SYT14: variants seen among roughly 807,000 people sequenced by gnomAD.
SYT14 encodes the protein synaptotagmin 14.
Under a neutral mutation model 74.2 loss-of-function variants are expected in SYT14, and 32 were observed. The observed-to-expected ratio is 0.43, with a 90% CI of 0.33 to 0.58. The LOEUF (loss-of-function observed/expected upper bound fraction) is 0.58. SYT14 is among the 20% of genes least tolerant of loss of function. SYT14 has a pLI of 0.05. For missense variants in SYT14, 791 were observed against 981.8 expected, an observed-to-expected ratio of 0.81 and a Z score of 2.60; for synonymous variants, 298 against 337.7, an observed-to-expected ratio of 0.88 and a Z score of 1.29.
intron 3 of SYT14, among the ~76,000 whole-genome samples, chr1:210,015,521 T>C (rs1200420323): frequency 6.6e-6 from 1 of 152,216 alleles, no homozygotes; most frequent in African/African-American, 2.4e-5. Flanking sequence ...CCCCTATTCT[T>C]ACCACTATGC....
At chr1:210,149,180 ATTTTTTTTT>A (rs34134939) in intron 7 of SYT14, among the ~76,000 whole-genome samples, 1 of 108,510 alleles carries the variant, frequency 9.2e-6, no homozygotes, top group Non-Finnish European at 1.8e-5. Flanking sequence ...TATAGCAGGA[ATTTTTTTTT>A]TTTTTTTTTT....
intron 5 of SYT14, among the ~76,000 whole-genome samples, chr1:210,056,866 C>T (rs1335205463): frequency 2.0e-5 from 2 of 102,380 alleles, no homozygotes; most frequent in African/African-American, 9.0e-5. Flanking sequence ...ATTTTTGAGA[C>T]TCAGTCTTGC....
chr1:210,169,238 T>G (rs1437319766), exon 10 of SYT14: 8 of 141,338 alleles, frequency 5.7e-5, no homozygotes, highest in Admixed American at 1.4e-4. Context: ...TTTTTTTTTT[T>G]TTTTTTTTTT....
intron 2 of SYT14, among the ~76,000 whole-genome samples, chr1:209,962,572 T>C (rs1433701160): frequency 6.6e-6 from 1 of 152,116 alleles, no homozygotes; most frequent in Non-Finnish European, 1.5e-5. Flanking sequence ...AACTTCTTAA[T>C]GAGAGGTTTA....
intron 7 of SYT14, among the ~76,000 whole-genome samples, chr1:210,139,646 A>G (rs931234550): frequency 1.3e-5 from 2 of 152,254 alleles, no homozygotes; most frequent in Admixed American, 6.5e-5. Context: ...GCCATTAGCA[A>G]TTACACCTCC....
At chr1:210,035,745 G>C (rs188539928) in intron 5 of SYT14, among the ~76,000 whole-genome samples, 9 of 151,916 alleles carry the variant, frequency 5.9e-5, no homozygotes, top group Non-Finnish European at 1.2e-4. Context: ...TGGGTTCTCT[G>C]TTCTGTTCCA....
At chr1:210,105,445 G>C (rs1052315623) in intron 7 of SYT14, among the ~76,000 whole-genome samples, 1 of 152,176 alleles carries the variant, frequency 6.6e-6, no homozygotes, top group African/African-American at 2.4e-5. Context: ...GCCTCTTTGA[G>C]CTTTGAAGGA....
At chr1:209,989,558 TTAAG>T (rs761634793) in intron 2 of SYT14, among the ~76,000 whole-genome samples, 111 of 152,360 alleles carry the variant, frequency 7.3e-4, no homozygotes, top group Admixed American at 2.4e-3. Context: ...AGATTACTTA[TTAAG>T]TTTTAACATT....
rs1390130617 is a variant in SYT14 at position 210,113,576 on chromosome 1, A to G, written c.2034+13115A>G. Reference sequence around the variant, plus strand: ...ATGGGATATTGGTGTTGAGCGGGGTAAGGGTGATTAGGTTTTAATGAGATG... The same window carrying G: ...ATGGGATATTGGTGTTGAGCGGGGTGAGGGTGATTAGGTTTTAATGAGATG... On this transcript the variant is annotated intron_variant, in intron 7 of 9. Coordinates refer to ENST00000637265, the Ensembl canonical transcript of SYT14. Among the ~76,000 whole-genome samples, 8 of 150,952 alleles carry G rather than the reference A, an allele frequency of 5.3e-5. No individual in the cohort carries two copies. In the South Asian group the frequency reaches 1.7e-3, roughly 31 times the overall value.
At chr1:210,050,135 A>G (rs2080964615) in intron 5 of SYT14, among the ~76,000 whole-genome samples, 1 of 152,150 alleles carries the variant, frequency 6.6e-6, no homozygotes, top group African/African-American at 2.4e-5. Context: ...TTTCCCTTTT[A>G]AAACTGCCTT....
rs868810878 is a variant in SYT14 at position 210,007,594 on chromosome 1, T to C, written c.-485-6039T>C. ...ATTCATGTATTTATTTTGAGGAAGT[T>C]GAAATTGCTTGCTATTTTTTAACAT... On this transcript the variant is annotated intron_variant, in intron 2 of 9. Transcript: ENST00000637265. Among the ~76,000 whole-genome samples the C allele has an allele frequency of 2.0e-5, 3 of 152,118 alleles. No homozygotes were observed. The South Asian group carries it at 6.2e-4, about 32-fold the overall frequency.
chr1:209,965,914 A>G, intron 2 of SYT14: 2 of 454,182 alleles, frequency 4.4e-6, no homozygotes, highest in South Asian at 3.1e-5. Flanking sequence ...CTCTGTGGCC[A>G]GGCTGGAGTA....
At chr1:209,979,428 G>A (rs1265637967) in intron 2 of SYT14, among the ~76,000 whole-genome samples, 1 of 152,026 alleles carries the variant, frequency 6.6e-6, no homozygotes, top group Non-Finnish European at 1.5e-5. Context: ...GAGGACAGCA[G>A]ACAAATGGGT....
chr1:209,951,112 C>T (rs925663620), intron 1 of SYT14, among the ~76,000 whole-genome samples: 2 of 152,156 alleles, frequency 1.3e-5, no homozygotes, highest in Non-Finnish European at 2.9e-5. Flanking sequence ...AGTCACTTCA[C>T]CTTTTTTGTG....
chr1:209,992,854 A>C (rs1362286522), intron 2 of SYT14, among the ~76,000 whole-genome samples: 2 of 152,128 alleles, frequency 1.3e-5, no homozygotes, highest in Non-Finnish European at 1.5e-5. Context: ...GAGTGAATGG[A>C]AAGGCGACAC....
At chr1:209,949,125 A>T (rs951845923) in intron 1 of SYT14, among the ~76,000 whole-genome samples, 1 of 152,254 alleles carries the variant, frequency 6.6e-6, no homozygotes, top group African/African-American at 2.4e-5. Flanking sequence ...CAAAATAGAC[A>T]TAAAATTTGT....
intron 3 of SYT14, among the ~76,000 whole-genome samples, chr1:210,015,309 T>G (rs1402438506): frequency 2.0e-5 from 3 of 152,210 alleles, no homozygotes; most frequent in Non-Finnish European, 2.9e-5. Context: ...TTGCTGTTAT[T>G]GTAAAACTAG....
At chr1:210,026,638 A>ACACTCACACT (rs1553267804) in intron 5 of SYT14, among the ~76,000 whole-genome samples, 1 of 151,168 alleles carries the variant, frequency 6.6e-6, no homozygotes, top group East Asian at 2.0e-4. Flanking sequence ...ACACACACAC[A>ACACTCACACT]CACACTCACC....
At chr1:210,143,728 T>A (rs74662042) in intron 7 of SYT14, among the ~76,000 whole-genome samples, 3,328 of 152,216 alleles carry the variant, frequency 0.022, 110 homozygotes, top group East Asian at 0.14. Context: ...AAATAAGATA[T>A]AAAGATAGTG....
Sources: allele counts gnomAD v4.1 joint callset (sites outside exome capture counted in the v4.1 genomes callset), GRCh38; gene constraint gnomAD v4.1.1; transcripts MANE v1.5; gene names NCBI Gene and HGNC (gene_info 2026-07-23, HGNC 2026-07-21).